The following XPR1 variants were observed in gnomAD, a reference collection of about 807,000 sequenced individuals.
XPR1 encodes solute carrier family 53 member 1.
Under a neutral mutation model 87.5 loss-of-function variants are expected in XPR1, and 28 were observed. The ratio of observed to expected loss-of-function variants is 0.32; its 90% CI spans 0.24 to 0.44. XPR1 has a LOEUF of 0.44. XPR1 is among the 20% of genes least tolerant of loss of function. XPR1 has a pLI of 1.00. For missense variants in XPR1, 559 were observed against 862.3 expected, an observed-to-expected ratio of 0.65 and a Z score of 4.41; for synonymous variants, 300 against 306.1, an observed-to-expected ratio of 0.98 and a Z score of 0.21.
intron 1 of XPR1, among the ~76,000 whole-genome samples, chr1:180,643,526 G>A (rs1249093015): frequency 2.0e-5 from 3 of 152,136 alleles, no homozygotes; most frequent in East Asian, 1.9e-4. Context: ...AGCACAGTGT[G>A]TTTGTCACAT....
chr1:180,863,686 T>C, intron 11 of XPR1, 22 bp from the exon 12 acceptor site: 1 of 1,539,206 alleles, frequency 6.5e-7, no homozygotes. Flanking sequence ...TTCTCTTTTC[T>C]CTTTCCCTCT....
Position 180,743,646 on chromosome 1 carries a change from A to G in XPR1, c.122-44107A>G, listed in dbSNP as rs565545019. ...ATTATTATTTCTCAGCTATCCAAAG[A>G]AATTCCTTTAACAATTTTTTTAGAG... On this transcript the variant is annotated intron_variant, in intron 2 of 14. Coordinates refer to ENST00000367590, the MANE Select transcript of XPR1 (RefSeq NM_004736.4). 2.2e-3 allele frequency among the ~76,000 whole-genome samples: 328 copies of G among 152,270 alleles called. 2 individuals carry two copies. The highest frequency in any genetic ancestry group is 7.4e-3 in the African/African-American group (308 of 41,560).
intron 2 of XPR1, among the ~76,000 whole-genome samples, chr1:180,733,597 CAAGG>C (rs1313273690): frequency 2.0e-4 from 30 of 152,272 alleles, no homozygotes; most frequent in Non-Finnish European, 1.5e-5. Context: ...CAACTGGAAA[CAAGG>C]AAGACAGTTC....
At chr1:180,698,282 T>G (rs998906514) in intron 2 of XPR1, among the ~76,000 whole-genome samples, 2 of 152,124 alleles carry the variant, frequency 1.3e-5, no homozygotes, top group African/African-American at 4.8e-5. Context: ...CGGGAGATAT[T>G]TTTTTCCTTC....
chr1:180,838,300 G>A (rs969848780), intron 11 of XPR1, among the ~76,000 whole-genome samples: 3 of 151,884 alleles, frequency 2.0e-5, no homozygotes, highest in African/African-American at 7.3e-5. Flanking sequence ...TTCACATTGT[G>A]TAGGCTGAGG....
At chr1:180,793,836 C>T (rs1158610019) in intron 3 of XPR1, among the ~76,000 whole-genome samples, 1 of 152,104 alleles carries the variant, frequency 6.6e-6, no homozygotes, top group Non-Finnish European at 1.5e-5. Flanking sequence ...AAACCACCCT[C>T]ATTTTCTTTC....
chr1:180,840,580 A>ATG (rs1558034578), intron 11 of XPR1, among the ~76,000 whole-genome samples: 4 of 132,742 alleles, frequency 3.0e-5, no homozygotes, highest in African/African-American at 1.2e-4. Flanking sequence ...ATATATATAT[A>ATG]TATATATATA....
At chr1:180,714,017 G>A (rs1006404865) in intron 2 of XPR1, among the ~76,000 whole-genome samples, 2 of 126,006 alleles carry the variant, frequency 1.6e-5, no homozygotes, top group Non-Finnish European at 3.3e-5. Context: ...TTCTTCATGG[G>A]AAGATTTTAA....
At chr1:180,837,958 A>T (rs572258358) in intron 11 of XPR1, among the ~76,000 whole-genome samples, 27 of 152,236 alleles carry the variant, frequency 1.8e-4, no homozygotes, top group African/African-American at 6.5e-4. Flanking sequence ...TTTTGGTCGA[A>T]TATTTTAGAA....
intron 3 of XPR1, among the ~76,000 whole-genome samples, chr1:180,801,595 AGAGAGT>A (rs573704329): frequency 1.1e-3 from 164 of 152,324 alleles, no homozygotes; most frequent in African/African-American, 3.8e-3. Flanking sequence ...TAGGAGAAAG[AGAGAGT>A]GAATCATTAA....
At chr1:180,681,464 T>C (rs1047489053) in intron 1 of XPR1, among the ~76,000 whole-genome samples, 2 of 151,986 alleles carry the variant, frequency 1.3e-5, no homozygotes, top group African/African-American at 2.4e-5. Context: ...GCTAACACGG[T>C]GAAACTCTGT....
At chr1:180,875,577 G>A (rs1168005782) in intron 13 of XPR1, among the ~76,000 whole-genome samples, 1 of 150,758 alleles carries the variant, frequency 6.6e-6, no homozygotes, top group Non-Finnish European at 1.5e-5. Context: ...AGAGAAAAAT[G>A]TAAAATGCAG....
At chr1:180,798,162 A>G (rs1649653351) in intron 3 of XPR1, among the ~76,000 whole-genome samples, 2 of 152,140 alleles carry the variant, frequency 1.3e-5, no homozygotes, top group African/African-American at 2.4e-5. Flanking sequence ...AAAATAATAA[A>G]AATATATATC....
intron 1 of XPR1, among the ~76,000 whole-genome samples, chr1:180,633,574 A>G (rs574284703): frequency 9.2e-5 from 14 of 152,344 alleles, no homozygotes; most frequent in Admixed American, 2.0e-4. Flanking sequence ...ATATTGTGAA[A>G]TAAATTCACT....
chr1:180,746,278 C>T (rs964776930), intron 2 of XPR1, among the ~76,000 whole-genome samples: 24 of 152,176 alleles, frequency 1.6e-4, no homozygotes, highest in Middle Eastern at 3.4e-3. Flanking sequence ...CCCCCACCTT[C>T]CTCTCTTCTG....
At chr1:180,681,492 A>T (rs1302912637) in intron 1 of XPR1, among the ~76,000 whole-genome samples, 1 of 152,114 alleles carries the variant, frequency 6.6e-6, no homozygotes, top group Non-Finnish European at 1.5e-5. Flanking sequence ...AAGAAATACA[A>T]AAAATTAGCC....
chr1:180,852,831 A>G (rs1651908641), intron 11 of XPR1, among the ~76,000 whole-genome samples: 1 of 152,084 alleles, frequency 6.6e-6, no homozygotes, highest in African/African-American at 2.4e-5. Context: ...CCAGCCTTCC[A>G]CATAACTTAT....
At chr1:180,879,128 ATCG>A (rs1191287484) in intron 13 of XPR1, among the ~76,000 whole-genome samples, 2 of 152,210 alleles carry the variant, frequency 1.3e-5, no homozygotes, top group East Asian at 3.8e-4. Flanking sequence ...GACGACTCAC[ATCG>A]CATGTCAGTA....
intron 10 of XPR1, 106 bp downstream of exon 10, chr1:180,835,151 A>G: frequency 8.2e-7 from 1 of 1,215,822 alleles, no homozygotes; most frequent in Non-Finnish European, 1.1e-6. Context: ...CTTACCCAAT[A>G]ATATTATAAA....
Sources: allele counts gnomAD v4.1 joint callset (sites outside exome capture counted in the v4.1 genomes callset), GRCh38; gene constraint gnomAD v4.1.1; transcripts MANE v1.5; gene names NCBI Gene and HGNC (gene_info 2026-07-23, HGNC 2026-07-21).